Variants in HS6ST3 observed in about 807,000 individuals in gnomAD.
HS6ST3 encodes heparan sulfate 6-O-sulfotransferase 3.
Under a neutral mutation model 36.7 loss-of-function variants are expected in HS6ST3, and 12 were observed. The observed-to-expected ratio is 0.33, with a 90% CI of 0.21 to 0.53. HS6ST3 has a LOEUF of 0.53. Among genes scored for constraint, HS6ST3 ranks in the 20% least tolerant of loss-of-function variants. HS6ST3 has a pLI of 0.95. For missense variants in HS6ST3, 584 were observed against 640.9 expected (o/e 0.91, Z 0.96); for synonymous variants, 240 against 257.5 (o/e 0.93, Z 0.65).
intron 1 of HS6ST3, among the ~76,000 whole-genome samples, chr13:96,678,464 G>T (rs1326398914): frequency 6.6e-6 from 1 of 152,132 alleles, no homozygotes; most frequent in East Asian, 1.9e-4. Context: ...CATGAGGTCA[G>T]AAGTTCAAGA....
chr13:96,763,621 G>A (rs1042448473), intron 1 of HS6ST3, among the ~76,000 whole-genome samples: 251 of 151,892 alleles, frequency 1.7e-3, no homozygotes, highest in African/African-American at 5.8e-3. Context: ...TAACTGCATC[G>A]AGTTCAAATC....
chr13:96,263,654 T>A (rs1413663623), intron 1 of HS6ST3, among the ~76,000 whole-genome samples: 4 of 152,212 alleles, frequency 2.6e-5, no homozygotes, highest in Non-Finnish European at 5.9e-5. Flanking sequence ...GTGCCCATGA[T>A]ACATAGTTCT....
chr13:96,215,369 T>C (rs974937759), intron 1 of HS6ST3, among the ~76,000 whole-genome samples: 12 of 152,222 alleles, frequency 7.9e-5, no homozygotes, highest in Non-Finnish European at 1.8e-4. Context: ...TCATTGGTCA[T>C]TCCATTAAAT....
intron 1 of HS6ST3, among the ~76,000 whole-genome samples, chr13:96,173,669 T>TAAAAAAAAAA (rs5805954): frequency 1.1e-5 from 1 of 94,862 alleles, no homozygotes; most frequent in Non-Finnish European, 2.0e-5. Flanking sequence ...TCACAGGTTG[T>TAAAAAAAAAA]AAAAAAAAAA....
intron 1 of HS6ST3, among the ~76,000 whole-genome samples, chr13:96,456,451 A>G (rs2055755170): frequency 1.3e-5 from 2 of 152,162 alleles, no homozygotes; most frequent in Non-Finnish European, 2.9e-5. Flanking sequence ...TGATGTGCAA[A>G]TGCATTTTCC....
At chr13:96,560,175 CT>C (rs2056256629) in intron 1 of HS6ST3, among the ~76,000 whole-genome samples, 1 of 152,132 alleles carries the variant, frequency 6.6e-6, no homozygotes, top group African/African-American at 2.4e-5. Context: ...CGTGGGCCCC[CT>C]GAATGTGCTT....
intron 1 of HS6ST3, among the ~76,000 whole-genome samples, chr13:96,654,689 G>A (rs1277066094): frequency 1.3e-5 from 2 of 151,914 alleles, no homozygotes; most frequent in Admixed American, 1.3e-4. Flanking sequence ...CTTCCATTCT[G>A]TGCCAAAGAA....
intron 1 of HS6ST3, among the ~76,000 whole-genome samples, chr13:96,496,835 TA>T (rs1366393720): frequency 6.6e-6 from 1 of 152,134 alleles, no homozygotes; most frequent in Non-Finnish European, 1.5e-5. Context: ...ATAGTTTGAA[TA>T]AACTTAGGTC....
Position 96,833,180 on chromosome 13 carries a change from C to G in HS6ST3, c.1398C>G (p.Ser466Arg). 6.4e-7 allele frequency: 1 copy of G among 1,568,952 alleles called. No homozygotes were observed. The highest frequency in any genetic ancestry group is 2.2e-5 in the East Asian group (1 of 44,530). ...GGACTGTCACCGAGGACTACAACAGCCAGGTGGTGAGATGGTGACCTCCTG... is the reference window on the plus strand; with the variant it reads ...GGACTGTCACCGAGGACTACAACAGGCAGGTGGTGAGATGGTGACCTCCTG... ...AEGTVTEDYN[S>R]QVVRW Residue 466 changes from serine to arginine, a missense_variant, in exon 2 of 2, where the codon AGC (serine) becomes AGG (arginine). Transcript: ENST00000376705.
At chr13:96,357,731 A>C (rs537336305) in intron 1 of HS6ST3, among the ~76,000 whole-genome samples, 78 of 152,198 alleles carry the variant, frequency 5.1e-4, no homozygotes, top group African/African-American at 1.9e-3. Flanking sequence ...TATGTTAACC[A>C]GGCTGGTCTC....
At chr13:96,484,644 C>G (rs759950157) in intron 1 of HS6ST3, among the ~76,000 whole-genome samples, 2 of 152,164 alleles carry the variant, frequency 1.3e-5, no homozygotes, top group Non-Finnish European at 2.9e-5. Context: ...GTAATGTCCT[C>G]CAGATTCATT....
intron 1 of HS6ST3, among the ~76,000 whole-genome samples, chr13:96,469,302 C>CT (rs35741442): frequency 0.016 from 2,277 of 146,430 alleles, 41 homozygotes; most frequent in African/African-American, 0.048. Flanking sequence ...CCTCCCCCAA[C>CT]TTTTTTTTTT....
chr13:96,767,082 G>A (rs909096602), intron 1 of HS6ST3, among the ~76,000 whole-genome samples: 5 of 152,168 alleles, frequency 3.3e-5, no homozygotes, highest in Non-Finnish European at 5.9e-5. Context: ...ACTGTTAACT[G>A]TCAGACTACA....
chr13:96,618,755 T>C (rs1319508524), intron 1 of HS6ST3, among the ~76,000 whole-genome samples: 3 of 152,144 alleles, frequency 2.0e-5, no homozygotes, highest in Non-Finnish European at 4.4e-5. Flanking sequence ...CTTTTGTCAT[T>C]TACATTCAAG....
intron 1 of HS6ST3, among the ~76,000 whole-genome samples, chr13:96,270,785 A>C (rs2054715954): frequency 6.6e-6 from 1 of 151,884 alleles, no homozygotes; most frequent in African/African-American, 2.4e-5. Flanking sequence ...GATGGAGCTC[A>C]ATGTCATACC....
chr13:96,091,303 G>T lies in HS6ST3; in HGVS notation c.441G>T (p.Val147=). The T allele has an allele frequency of 6.2e-7, 1 of 1,613,930 alleles. No homozygotes were observed. Among genetic ancestry groups the T allele is most frequent in the Non-Finnish European group, 8.5e-7 (1 of 1,179,964 alleles). The part of the protein sequence containing the change: ...FVDFNIKGRD[V]IVFLHIQKTG... ...ATTTCAACATCAAAGGGCGCGACGT[G>T]ATCGTGTTCCTCCACATCCAGAAGA... The change falls in exon 1 of 2, where the codon GTG becomes GTT. Residue 147 remains valine, a synonymous_variant. Transcript: ENST00000376705.
At chr13:96,616,291 TTTATTGTCACAAA>T (rs2056474143) in intron 1 of HS6ST3, among the ~76,000 whole-genome samples, 1 of 152,190 alleles carries the variant, frequency 6.6e-6, no homozygotes, top group African/African-American at 2.4e-5. Context: ...AATGCTAAGA[TTTATTGTCACAAA>T]TGGTACATTT....
intron 1 of HS6ST3, among the ~76,000 whole-genome samples, chr13:96,711,350 A>G (rs915969566): frequency 9.2e-5 from 14 of 152,260 alleles, no homozygotes; most frequent in African/African-American, 3.1e-4. Flanking sequence ...CTCTAATGAT[A>G]TGTAACGTAT....
At chr13:96,452,548 T>C (rs1326562538) in intron 1 of HS6ST3, among the ~76,000 whole-genome samples, 1 of 112,342 alleles carries the variant, frequency 8.9e-6, no homozygotes, top group Non-Finnish European at 1.9e-5. Flanking sequence ...TATATTAGCT[T>C]TCTGATTTTT....
Sources: allele counts gnomAD v4.1 joint callset (sites outside exome capture counted in the v4.1 genomes callset), GRCh38; gene constraint gnomAD v4.1.1; transcripts MANE v1.5; gene names NCBI Gene and HGNC (gene_info 2026-07-23, HGNC 2026-07-21).